Variants in OXSR1 observed in about 807,000 individuals in gnomAD.
OXSR1 encodes oxidative stress responsive kinase 1.
Under a neutral mutation model 79.8 loss-of-function variants are expected in OXSR1, and 24 were observed. The ratio of observed to expected loss-of-function variants is 0.30; its 90% CI spans 0.22 to 0.42. The LOEUF (loss-of-function observed/expected upper bound fraction) is 0.42. OXSR1 is among the 10% of genes least tolerant of loss of function. The pLI is 1.00. For synonymous variants in OXSR1, 226 were observed against 209.2 expected (o/e 1.08, Z -0.69); for missense variants, 430 against 618.4 (o/e 0.70, Z 3.23).
At chr3:38,218,378 A>T (rs575625590) in intron 5 of OXSR1, among the ~76,000 whole-genome samples, 1 of 152,020 alleles carries the variant, frequency 6.6e-6, no homozygotes, top group Non-Finnish European at 1.5e-5. Context: ...GGTGTTATCT[A>T]TCTCATTGTG....
chr3:38,201,420 C>G (rs1702161463), intron 4 of OXSR1, among the ~76,000 whole-genome samples: 1 of 151,280 alleles, frequency 6.6e-6, no homozygotes, highest in Admixed American at 6.6e-5. Context: ...TTAAAATTAT[C>G]CAGATACGGG....
chr3:38,177,144 A>G (rs756907906), intron 1 of OXSR1, among the ~76,000 whole-genome samples: 1 of 152,234 alleles, frequency 6.6e-6, no homozygotes, highest in Non-Finnish European at 1.5e-5. Flanking sequence ...TGCAGAGGCC[A>G]TGTTATGTCT....
Position 38,231,435 on chromosome 3 carries a change from C to G in OXSR1, c.951+1005C>G, listed in dbSNP as rs74591549. On this transcript the variant is annotated intron_variant, in intron 10 of 17. Transcript: ENST00000311806. ...GGACAATTATTCTCATGGATAGCTA[C>G]TAGGTTAAAAACTCACTTGGCTCAT... Among the ~76,000 whole-genome samples, 1,312 of 152,196 alleles carry G rather than the reference C, an allele frequency of 8.6e-3. 20 individuals are homozygous for G. Among genetic ancestry groups the G allele is most frequent in the African/African-American group, 0.029 (1,222 of 41,546 alleles).
chr3:38,240,669 T>C (rs1703013596), intron 11 of OXSR1, among the ~76,000 whole-genome samples: 1 of 151,612 alleles, frequency 6.6e-6, no homozygotes, highest in Non-Finnish European at 1.5e-5. Context: ...ATCTTGAATA[T>C]TATGTTCCTT....
rs954413675 is a variant in OXSR1 at position 38,190,855 on chromosome 3, G to A, written c.292+16G>A. The A allele has an allele frequency of 5.3e-6, 7 of 1,323,488 alleles. No homozygotes were observed. The highest frequency in any genetic ancestry group is 7.6e-6 in the Non-Finnish European group (7 of 917,558). The allele number at this position is 1,323,488 out of a possible 1,614,324, so 82.0% of individuals were successfully genotyped here. On this transcript the variant is annotated intron_variant, in intron 3 of 17. Coordinates refer to ENST00000311806, the MANE Select transcript of OXSR1 (RefSeq NM_005109.3). ...CTAAGTGGAGGTGAGTAGAGTACAA[G>A]GAAATGCTATAAGTACCATGGTTTG...
In OXSR1 at chr3:38,207,867, TCTC is replaced by T. The variant is rs1379248733; in HGVS notation, c.435-8226_435-8224del. On this transcript the variant is annotated intron_variant, in intron 4 of 17. Coordinates refer to ENST00000311806, the MANE Select transcript of OXSR1 (RefSeq NM_005109.3). ...TTCTTGCTTGCTTTCTTTGCTTTCT[TCTC>T]CTTCCCTCCCCACCCCCGTCCTTCC... Among the ~76,000 whole-genome samples the T allele has an allele frequency of 2.7e-5, 4 of 147,094 alleles. No homozygotes were observed. In the East Asian group the frequency reaches 6.1e-4, roughly 23 times the overall value.
chr3:38,251,323 C>T (rs2125856632), intron 15 of OXSR1, 80 bp from the exon 16 acceptor site: 4 of 1,173,798 alleles, frequency 3.4e-6, no homozygotes, highest in Non-Finnish European at 5.1e-6. Flanking sequence ...GCATGGCACA[C>T]TGACACCCAC....
chr3:38,212,009 T>C (rs1229393240), intron 4 of OXSR1, among the ~76,000 whole-genome samples: 1 of 152,212 alleles, frequency 6.6e-6, no homozygotes, highest in East Asian at 1.9e-4. Context: ...ACTTTCAGCC[T>C]GGGCTGCATA....
rs35049328 is a variant in OXSR1 at position 38,199,325 on chromosome 3, A to G, written c.434+462A>G. On this transcript the variant is annotated intron_variant, in intron 4 of 17. Coordinates refer to ENST00000311806, the MANE Select transcript of OXSR1 (RefSeq NM_005109.3). ...TCTTAGTCACCCAGGCTGGAGTAGC[A>G]TGATCATAACTCACTGCAACCTCGA... Among the ~76,000 whole-genome samples, 197 of 149,506 alleles carry G rather than the reference A, an allele frequency of 1.3e-3. 2 individuals are homozygous for G. The East Asian group carries it at 0.034, about 26-fold the overall frequency.
intron 4 of OXSR1, among the ~76,000 whole-genome samples, chr3:38,213,305 CCT>C (rs1178858487): frequency 6.6e-6 from 1 of 152,028 alleles, no homozygotes; most frequent in Non-Finnish European, 1.5e-5. Context: ...TACAAAATCC[CCT>C]GACACCAATC....
intron 2 of OXSR1, among the ~76,000 whole-genome samples, chr3:38,185,973 AAAAAG>A (rs1559504049): frequency 1.3e-5 from 2 of 150,330 alleles, no homozygotes; most frequent in Non-Finnish European, 3.0e-5. Context: ...AAAAAAAAAA[AAAAAG>A]TCATGTGAAA....
intron 4 of OXSR1, among the ~76,000 whole-genome samples, chr3:38,213,434 C>G (rs1702425640): frequency 6.6e-6 from 1 of 152,108 alleles, no homozygotes; most frequent in South Asian, 2.1e-4. Context: ...GAAAAACTGT[C>G]ACAACCAAAA....
Position 38,253,844 on chromosome 3 carries a change from T to G in OXSR1, c.*953T>G, listed in dbSNP as rs1703308118. On this transcript the variant is annotated 3_prime_UTR_variant, in exon 18 of 18. Transcript: ENST00000311806. ...CTACAGCAATAAAGGAGACACACAC[T>G]GGGCCAGAGAGGCCTGCCTTCTGCC... 4.2e-6 allele frequency: 1 copy of G among 235,812 alleles called. No individual in the cohort carries two copies. Among genetic ancestry groups the G allele is most frequent in the African/African-American group, 2.2e-5 (1 of 44,830 alleles). 14.6% of individuals were successfully genotyped at this position (235,812 alleles called of 1,614,324 possible). A position where few individuals can be genotyped will look rare whatever the true frequency, so the allele number is the denominator to read the frequency against.
chr3:38,208,704 C>T (rs1702317866), intron 4 of OXSR1, among the ~76,000 whole-genome samples: 1 of 152,068 alleles, frequency 6.6e-6, no homozygotes, highest in Non-Finnish European at 1.5e-5. Flanking sequence ...AGATCGAGAC[C>T]ATCCTGGCTA....
chr3:38,194,079 C>T (rs1029755850), intron 3 of OXSR1, among the ~76,000 whole-genome samples: 1 of 152,010 alleles, frequency 6.6e-6, no homozygotes, highest in African/African-American at 2.4e-5. Flanking sequence ...ATTAAAATGC[C>T]ATTCATCAAA....
At chr3:38,209,837 T>G (rs907399596) in intron 4 of OXSR1, among the ~76,000 whole-genome samples, 1 of 151,950 alleles carries the variant, frequency 6.6e-6, no homozygotes, top group Non-Finnish European at 1.5e-5. Context: ...TTAGCCAGGA[T>G]GGTCTCAATC....
intron 5 of OXSR1, among the ~76,000 whole-genome samples, chr3:38,218,856 T>G (rs1276382165): frequency 6.6e-6 from 1 of 152,180 alleles, no homozygotes; most frequent in Non-Finnish European, 1.5e-5. Context: ...TATAATTGCC[T>G]GATTCCACCT....
chr3:38,193,888 CT>C (rs1702028143), intron 3 of OXSR1, among the ~76,000 whole-genome samples: 1 of 152,006 alleles, frequency 6.6e-6, no homozygotes, highest in Admixed American at 6.5e-5. Flanking sequence ...ACATCTAAAC[CT>C]TTTAAATATT....
chr3:38,173,043 T>C (rs1701612017), intron 1 of OXSR1, among the ~76,000 whole-genome samples: 1 of 152,238 alleles, frequency 6.6e-6, no homozygotes, highest in South Asian at 2.1e-4. Context: ...ACATGACAGC[T>C]GAGTTGGTTC....
Sources: gnomAD v4.1 joint callset for allele counts (sites outside exome capture counted in the v4.1 genomes callset) on GRCh38, gnomAD v4.1.1 for gene constraint, MANE v1.5 for transcripts, NCBI Gene and HGNC (gene_info 2026-07-23, HGNC 2026-07-21) for gene names.